DIAPH2: variants seen among roughly 807,000 people sequenced by gnomAD.
The protein encoded by DIAPH2 is diaphanous related formin 2.
A neutral mutation model predicts 92.7 loss-of-function variants in DIAPH2; 35 were observed. The ratio of observed to expected loss-of-function variants is 0.38; its 90% CI spans 0.29 to 0.50. DIAPH2 has a LOEUF of 0.50. Among genes scored for constraint, DIAPH2 ranks in the 20% least tolerant of loss-of-function variants. The pLI is 0.94. For missense variants in DIAPH2, 701 were observed against 819.5 expected (o/e 0.86, Z 1.77); for synonymous variants, 301 against 280.4 (o/e 1.07, Z -0.73).
intron 17 of DIAPH2, among the ~76,000 whole-genome samples, chrX:97,003,821 C>T (rs1215905704): frequency 9.0e-6 from 1 of 111,671 alleles, no homozygotes; most frequent in Non-Finnish European, 1.9e-5. Flanking sequence ...TGATCCTTTT[C>T]GTCCATTTTT....
intron 24 of DIAPH2, among the ~76,000 whole-genome samples, chrX:97,375,727 C>T (rs926554511): frequency 9.0e-6 from 1 of 111,402 alleles, no homozygotes; most frequent in African/African-American, 3.3e-5. Context: ...CCATTGCTAC[C>T]TATTTTGCCT....
chrX:97,119,545 G>T (rs2067040369), intron 21 of DIAPH2, among the ~76,000 whole-genome samples: 1 of 112,094 alleles, frequency 8.9e-6, no homozygotes, highest in Admixed American at 9.4e-5. Context: ...GCCGGGAGGT[G>T]GTGATTTCCA....
chrX:96,714,315 A>T (rs1218516724), intron 1 of DIAPH2, among the ~76,000 whole-genome samples: 2 of 89,952 alleles, frequency 2.2e-5, no homozygotes, highest in Non-Finnish European at 4.2e-5. Flanking sequence ...CCCAGGCTGG[A>T]GTGCAGTGGT....
chrX:97,287,580 G>A (rs2068553224), intron 23 of DIAPH2, among the ~76,000 whole-genome samples: 1 of 109,968 alleles, frequency 9.1e-6, no homozygotes, highest in East Asian at 2.8e-4. Flanking sequence ...AGGTATGGGT[G>A]TTGGGTGCTT....
At chrX:97,089,242 C>G (rs1213779434) in intron 19 of DIAPH2, among the ~76,000 whole-genome samples, 1 of 111,811 alleles carries the variant, frequency 8.9e-6, no homozygotes, top group Non-Finnish European at 1.9e-5. Context: ...GGAGGTGTCA[C>G]AGGTCTAGAG....
chrX:96,741,830 T>C (rs1438920851), intron 3 of DIAPH2, among the ~76,000 whole-genome samples: 2 of 111,755 alleles, frequency 1.8e-5, no homozygotes, highest in East Asian at 5.7e-4. Context: ...AGTTGATTAT[T>C]CTCTCCAATT....
intron 12 of DIAPH2, among the ~76,000 whole-genome samples, chrX:96,940,725 G>A (rs1422416846): frequency 9.0e-6 from 1 of 111,630 alleles, no homozygotes; most frequent in Non-Finnish European, 1.9e-5. Flanking sequence ...CAACAAGGCT[G>A]GTTATACGTT....
At chrX:96,752,433 C>T (rs1025266349) in intron 3 of DIAPH2, among the ~76,000 whole-genome samples, 4 of 112,178 alleles carry the variant, frequency 3.6e-5, no homozygotes, top group African/African-American at 9.7e-5. Context: ...GCTAGGAGTA[C>T]AAAGATAAGT....
At chrX:96,877,069 T>C (rs2065185499) in intron 4 of DIAPH2, among the ~76,000 whole-genome samples, 1 of 111,459 alleles carries the variant, frequency 9.0e-6, no homozygotes, top group South Asian at 3.8e-4. Flanking sequence ...AGAGAAGCCA[T>C]CTAAAGGTTC....
chrX:96,795,766 A>G (rs2064534209), intron 4 of DIAPH2, among the ~76,000 whole-genome samples: 2 of 111,815 alleles, frequency 1.8e-5, no homozygotes, highest in Middle Eastern at 4.6e-3. Context: ...CTTTTTTATT[A>G]TTATGATTTG....
intron 22 of DIAPH2, among the ~76,000 whole-genome samples, chrX:97,171,658 G>T (rs757284233): frequency 1.3e-4 from 15 of 111,911 alleles, no homozygotes; most frequent in Admixed American, 6.7e-4. Flanking sequence ...GAAACTTTCC[G>T]GGCTGGGCGC....
intron 24 of DIAPH2, among the ~76,000 whole-genome samples, chrX:97,369,648 G>C (rs915732018): frequency 1.8e-5 from 2 of 110,639 alleles, no homozygotes; most frequent in African/African-American, 6.6e-5. Flanking sequence ...CATCAATAAA[G>C]GGAAAGGTGC....
chrX:97,352,708 A>G (rs2069228468), intron 24 of DIAPH2, among the ~76,000 whole-genome samples: 1 of 106,522 alleles, frequency 9.4e-6, no homozygotes, highest in African/African-American at 3.4e-5. Context: ...TCTCTACTAA[A>G]AATACAAAAA....
intron 1 of DIAPH2, among the ~76,000 whole-genome samples, chrX:96,686,336 C>A (rs1213258719): frequency 9.0e-6 from 1 of 110,552 alleles, no homozygotes. Flanking sequence ...ATAGTTTCCA[C>A]AAATGGTTTG....
intron 17 of DIAPH2, among the ~76,000 whole-genome samples, chrX:97,042,250 T>G (rs1221415409): frequency 8.9e-6 from 1 of 111,934 alleles, no homozygotes; most frequent in African/African-American, 3.2e-5. Flanking sequence ...TTAGATGAAT[T>G]TGTTGAACAT....
At chrX:97,129,332 A>G (rs990959054) in intron 21 of DIAPH2, among the ~76,000 whole-genome samples, 7 of 107,398 alleles carry the variant, frequency 6.5e-5, no homozygotes, top group Non-Finnish European at 9.6e-5. Flanking sequence ...GTGCCCAGCT[A>G]ATTTTTGTAT....
intron 19 of DIAPH2, among the ~76,000 whole-genome samples, chrX:97,097,551 A>G (rs938829899): frequency 2.7e-5 from 3 of 112,334 alleles, no homozygotes; most frequent in African/African-American, 9.7e-5. Flanking sequence ...ATAAAATAAC[A>G]AAAGTTTCAC....
chrX:97,121,051 A>C (rs1213213669), intron 21 of DIAPH2, among the ~76,000 whole-genome samples: 1 of 112,205 alleles, frequency 8.9e-6, no homozygotes, highest in Non-Finnish European at 1.9e-5. Context: ...AAAGTTTTGC[A>C]GTGTCTAATC....
chrX:97,260,867 G>GT (rs1378158590), intron 23 of DIAPH2, among the ~76,000 whole-genome samples: 2 of 111,902 alleles, frequency 1.8e-5, no homozygotes, highest in African/African-American at 6.5e-5. Context: ...CCCATTACTA[G>GT]TTTACATAGA....
Sources: gnomAD v4.1 joint callset for allele counts (sites outside exome capture counted in the v4.1 genomes callset) on GRCh38, gnomAD v4.1.1 for gene constraint, MANE v1.5 for transcripts, NCBI Gene and HGNC (gene_info 2026-07-23, HGNC 2026-07-21) for gene names.